PLCG2: variants seen among roughly 807,000 people sequenced by gnomAD.
The protein encoded by PLCG2 is phospholipase C gamma 2.
In PLCG2, 69 loss-of-function variants were observed where a neutral mutation model predicts 175.6. The observed-to-expected ratio is 0.39, with a 90% confidence interval of 0.32 to 0.48. The LOEUF (loss-of-function observed/expected upper bound fraction) is 0.48, where lower values mean the gene tolerates loss of function less well. Among genes scored for constraint, PLCG2 ranks in the 20% least tolerant of loss-of-function variants. The pLI is 0.91. For synonymous variants in PLCG2, 827 were observed against 624.0 expected, an observed-to-expected ratio of 1.33 and a Z score of -4.85; for missense variants, 1,798 against 1,650.9, an observed-to-expected ratio of 1.09 and a Z score of -1.54.
chr16:81,911,464 G>A (rs762884134), intron 18 of PLCG2, among the ~76,000 whole-genome samples: 16 of 152,126 alleles, frequency 1.1e-4, no homozygotes, highest in Non-Finnish European at 2.1e-4. Context: ...TTGAGACAAG[G>A]TGTTGCTCTG....
chr16:81,760,590 C>G (rs1194223041), intron 2 of PLCG2, among the ~76,000 whole-genome samples: 2 of 151,568 alleles, frequency 1.3e-5, no homozygotes, highest in African/African-American at 4.9e-5. Flanking sequence ...GCTGGGCACC[C>G]AAAAAGAATG....
intron 30 of PLCG2, among the ~76,000 whole-genome samples, chr16:81,940,287 A>G (rs561261053): frequency 6.6e-6 from 1 of 152,324 alleles, no homozygotes; most frequent in East Asian, 1.9e-4. Flanking sequence ...GTTTACAAGC[A>G]AAACTGGATT....
At chr16:81,832,686 G>A (rs751096849) in intron 2 of PLCG2, among the ~76,000 whole-genome samples, 5 of 152,256 alleles carry the variant, frequency 3.3e-5, no homozygotes, top group Non-Finnish European at 7.3e-5. Context: ...TTACAGGCAT[G>A]AGCCATTGCG....
intron 12 of PLCG2, among the ~76,000 whole-genome samples, chr16:81,895,247 G>T (rs1464717915): frequency 6.6e-6 from 1 of 152,216 alleles, no homozygotes; most frequent in Non-Finnish European, 1.5e-5. Context: ...AATAAAACAC[G>T]TGGTAAAATC....
intron 23 of PLCG2, 122 bp downstream of exon 23, chr16:81,927,300 C>G: frequency 4.3e-6 from 3 of 699,110 alleles, no homozygotes; most frequent in Middle Eastern, 2.9e-4. Flanking sequence ...CTGTGGAGCT[C>G]TGGATCAGGG....
intron 19 of PLCG2, among the ~76,000 whole-genome samples, 172 bp from the exon 20 acceptor site, chr16:81,919,312 C>G (rs1597132007): frequency 6.6e-6 from 1 of 152,132 alleles, no homozygotes; most frequent in Non-Finnish European, 1.5e-5. Context: ...TTGAAAATAC[C>G]CACATCATTG....
chr16:81,923,064 G>A (rs1034965238), intron 21 of PLCG2, among the ~76,000 whole-genome samples: 8 of 152,148 alleles, frequency 5.3e-5, no homozygotes, highest in Admixed American at 1.3e-4. Flanking sequence ...TGGGAGGCTT[G>A]CTGAGCACCG....
At chr16:81,941,171 T>G (rs1910924740) in intron 30 of PLCG2, among the ~76,000 whole-genome samples, 1 of 152,242 alleles carries the variant, frequency 6.6e-6, no homozygotes, top group South Asian at 2.1e-4. Flanking sequence ...TATAATATCA[T>G]AAACCTGACC....
At position 81,956,874 on chromosome 16, in the gene PLCG2, C is replaced by G. The variant is rs1911592073; in HGVS notation, c.3750C>G (p.Asn1250Lys). ...NQLQLYQEKC[N>K]KRLREKRVSN... ...TCCAGCTGTACCAGGAGAAATGCAA[C>G]AAGAGGTAGGTCAGCCCCTCCACCT... The change falls in exon 32 of 33, where the codon AAC (asparagine) becomes AAG (lysine). Residue 1250 changes from asparagine to lysine, a missense_variant. Physicochemically the swap from Asn to Lys is moderately conservative, Grantham distance 94. Transcript: ENST00000564138. 7 of 1,612,924 alleles carry G rather than the reference C, an allele frequency of 4.3e-6. No individual in the cohort carries two copies. The highest frequency in any genetic ancestry group is 5.9e-6 in the Non-Finnish European group (7 of 1,179,278).
chr16:81,785,921 C>A, intron 1 of PLCG2, 22 bp from the exon 2 acceptor site: 4 of 1,438,818 alleles, frequency 2.8e-6, no homozygotes, highest in Non-Finnish European at 3.8e-6. Flanking sequence ...AATCAGTTCA[C>A]TCTTTAATTC....
At chr16:81,754,264 C>A (rs947695151) in intron 1 of PLCG2, among the ~76,000 whole-genome samples, 1 of 145,930 alleles carries the variant, frequency 6.9e-6, no homozygotes. Flanking sequence ...TCCCTTCCCT[C>A]CCCATCTCAT....
intron 30 of PLCG2, among the ~76,000 whole-genome samples, chr16:81,944,103 C>T (rs1439146708): frequency 6.6e-6 from 1 of 152,154 alleles, no homozygotes; most frequent in Admixed American, 6.5e-5. Context: ...AATTGTGTAT[C>T]AGAAGAGGAA....
rs56314015 is a variant in PLCG2 at position 81,868,789 on chromosome 16, A to G, written c.480-425A>G. On this transcript the variant is annotated intron_variant, in intron 5 of 32. Coordinates refer to ENST00000564138, the MANE Select transcript of PLCG2 (RefSeq NM_002661.5). ...CTGCCCACACTGAATCTCCTGCAAG[A>G]CCTTCCTCCATGACCATTCCTGAAG... 9.0e-3 allele frequency among the ~76,000 whole-genome samples: 1,369 copies of G among 152,288 alleles called. 25 individuals are homozygous for G. Among genetic ancestry groups the G allele is most frequent in the African/African-American group, 0.032 (1,322 of 41,560 alleles).
rs113983451 is a variant in PLCG2 at position 81,837,549 on chromosome 16, G to A, written c.194-16895G>A. On this transcript the variant is annotated intron_variant, in intron 2 of 32. Transcript: ENST00000564138. ...TGCTCTCCGCAGGGACCCCCGTGTC[G>A]TGGGTGCCATGGCAAAGCGTTAACA... 5.3e-3 allele frequency among the ~76,000 whole-genome samples: 807 copies of A among 152,348 alleles called. 7 individuals are homozygous for A. The highest frequency in any genetic ancestry group is 0.018 in the African/African-American group (766 of 41,580).
At chr16:81,909,869 G>T (rs906569734) in intron 17 of PLCG2, among the ~76,000 whole-genome samples, 1 of 152,094 alleles carries the variant, frequency 6.6e-6, no homozygotes, top group Non-Finnish European at 1.5e-5. Flanking sequence ...CTGTCAGACC[G>T]CTGGGGTAGT....
chr16:81,858,672 C>T (rs536090369), intron 4 of PLCG2, among the ~76,000 whole-genome samples: 46 of 152,236 alleles, frequency 3.0e-4, no homozygotes, highest in African/African-American at 1.1e-3. Flanking sequence ...ATAAGAGATT[C>T]AGTGGACTGA....
intron 13 of PLCG2, among the ~76,000 whole-genome samples, chr16:81,896,405 CACACACACACACACACACACAA>C (rs1443210354): frequency 9.2e-6 from 1 of 108,480 alleles, no homozygotes; most frequent in Non-Finnish European, 2.2e-5. Flanking sequence ...CACACACACA[CACACACACACACACACACACAA>C]ATCATCTGGG....
rs115921257 is a variant in PLCG2, at chr16:81,915,109, A to C, written c.2054+2393A>C. Among the ~76,000 whole-genome samples, 456 of 152,290 alleles carry C rather than the reference A, an allele frequency of 3.0e-3. 2 individuals are homozygous for C. Among genetic ancestry groups the C allele is most frequent in the African/African-American group, 0.011 (438 of 41,562 alleles). On this transcript the variant is annotated intron_variant, in intron 19 of 32. Coordinates refer to ENST00000564138, the MANE Select transcript of PLCG2 (RefSeq NM_002661.5). The stretch of plus-strand genomic sequence containing the variant: ...AGCACTGAGGAGGTTTGAGCACATA[A>C]GGAAATCAGTGTAGTATTTTGTGAT...
rs749726451 is a variant in PLCG2 at position 81,907,782 on chromosome 16, G to T, written c.1557+8G>T. Reference sequence around the variant, plus strand: ...GAGGAGGAAGTGCCCCAGGTAGGGGGACACCCTAGCCACATAGGGAGGAGG... The same window carrying T: ...GAGGAGGAAGTGCCCCAGGTAGGGGTACACCCTAGCCACATAGGGAGGAGG... On this transcript the variant is annotated splice_region_variant and intron_variant, in intron 16 of 32. Transcript: ENST00000564138. The T allele has an allele frequency of 4.4e-6, 7 of 1,608,160 alleles. No individual in the cohort carries two copies. Among genetic ancestry groups the T allele is most frequent in the Non-Finnish European group, 6.0e-6 (7 of 1,175,592 alleles).
Sources: allele counts gnomAD v4.1 joint callset (sites outside exome capture counted in the v4.1 genomes callset), GRCh38; gene constraint gnomAD v4.1.1; transcripts MANE v1.5; gene names NCBI Gene and HGNC (gene_info 2026-07-23, HGNC 2026-07-21).